MYO15A: variants seen among roughly 807,000 people sequenced by gnomAD.
MYO15A encodes unconventional myosin-XV.
Under a neutral mutation model 394.6 loss-of-function variants are expected in MYO15A, and 308 were observed. The ratio of observed to expected loss-of-function variants is 0.78; its 90% CI spans 0.71 to 0.86. MYO15A has a LOEUF of 0.86. Among genes scored for constraint, MYO15A ranks in the 40% least tolerant of loss-of-function variants. MYO15A has a pLI of 0.00. For synonymous variants in MYO15A, 1,957 were observed against 2,003.8 expected, an observed-to-expected ratio of 0.98 and a Z score of 0.62; for missense variants, 4,606 against 4,799.1, an observed-to-expected ratio of 0.96 and a Z score of 1.19.
intron 1 of MYO15A, 26 bp from the exon 2 acceptor site, chr17:18,118,556 C>T (rs2142234315): frequency 8.7e-6 from 5 of 576,650 alleles, no homozygotes; most frequent in South Asian, 8.2e-5. Context: ...TAAACAACAC[C>T]CACACACTTT....
chr17:18,147,968 C>A lies in MYO15A; in HGVS notation c.6510-61C>A. ...AGAATTTCCTACCCCCACCCCGCAG[C>A]CCTCAGCCCCAAGCTAGCTTCAGAT... On this transcript the variant is annotated intron_variant, in intron 30 of 65. Coordinates refer to ENST00000647165, the MANE Select transcript of MYO15A (RefSeq NM_016239.4). The surrounding 1 kb of genome is among the most constrained non-coding windows in gnomAD (Gnocchi z 4.4). 1 of 1,603,256 alleles carries A rather than the reference C, an allele frequency of 6.2e-7. No homozygotes were observed. Among genetic ancestry groups the A allele is most frequent in the Admixed American group, 1.7e-5 (1 of 60,004 alleles).
chr17:18,129,893 T>G (rs1406445494), intron 7 of MYO15A, among the ~76,000 whole-genome samples: 1 of 151,170 alleles, frequency 6.6e-6, no homozygotes, highest in Non-Finnish European at 1.5e-5. Flanking sequence ...TTTGTTTTTG[T>G]TTTTTTTTAG....
chr17:18,120,977 C>A lies in MYO15A; in HGVS notation c.2177C>A (p.Ala726Asp). 1 of 1,498,118 alleles carries A rather than the reference C, an allele frequency of 6.7e-7. No individual in the cohort carries two copies. Among genetic ancestry groups the A allele is most frequent in the Non-Finnish European group, 8.9e-7 (1 of 1,129,128 alleles). The allele number at this position is 1,498,118 out of a possible 1,614,324, so 92.8% of individuals were successfully genotyped here. Residue 726 changes from alanine to aspartate, a missense_variant, in exon 2 of 66, where the codon GCC becomes GAC. Physicochemically the swap from Ala to Asp is moderately radical, Grantham distance 126. This residue lies in a region of MYO15A where 1,830 missense variants were observed against 1,689.7 expected (regional missense o/e 1.08). Coordinates refer to ENST00000647165, the MANE Select transcript of MYO15A (RefSeq NM_016239.4). ...TGGTGGGCCTTCGTGGAGCCCCCTG[C>A]CGTGAGCCCGGAGGTGCCCCCCGAC... Reference protein sequence around the residue: ...ASWWAFVEPPAVSPEVPPDLL... With the variant: ...ASWWAFVEPPDVSPEVPPDLL...
chr17:18,139,494 C>T, intron 18 of MYO15A, 40 bp from the exon 19 acceptor site: 1 of 1,601,018 alleles, frequency 6.2e-7, no homozygotes, highest in African/African-American at 1.3e-5. Flanking sequence ...GACAGAGAGA[C>T]AGAGGCCAGG....
intron 65 of MYO15A, among the ~76,000 whole-genome samples, chr17:18,175,061 CTG>C (rs1004410267): frequency 6.7e-5 from 10 of 150,146 alleles, no homozygotes; most frequent in Non-Finnish European, 1.3e-4. Context: ...TGCAATGGCT[CTG>C]TGGTGTTCTC....
In MYO15A at chr17:18,120,131, A is replaced by G. The variant is rs2045884110; in HGVS notation, c.1331A>G (p.Glu444Gly). The G allele has an allele frequency of 1.2e-6, 2 of 1,612,846 alleles. No individual in the cohort carries two copies. The highest frequency in any genetic ancestry group is 1.7e-6 in the Non-Finnish European group (2 of 1,179,926). ...ELEEPEDAGV[E>G]RQGTSFRLPS... The stretch of plus-strand genomic sequence containing the variant: ...GAGGAACCAGAGGACGCGGGCGTAG[A>G]GCGTCAGGGGACCTCCTTCCGCCTG... Residue 444 changes from glutamate to glycine, a missense_variant, in exon 2 of 66, where the codon GAG becomes GGG. By Grantham distance (98) the Glu-to-Gly change is moderately conservative. Coordinates refer to ENST00000647165, the MANE Select transcript of MYO15A (RefSeq NM_016239.4).
chr17:18,148,971 C>A lies in MYO15A; in HGVS notation c.6956+19C>A. On this transcript the variant is annotated intron_variant, in intron 33 of 65. Transcript: ENST00000647165. The surrounding 1 kb of genome is among the most constrained non-coding windows in gnomAD (Gnocchi z 4.8). Reference sequence around the variant, plus strand: ...CCAAAGTGTAGGTAGCTATGGGGGACCCCCTCACAGATGGCCACTCCCAGG... The same window carrying A: ...CCAAAGTGTAGGTAGCTATGGGGGAACCCCTCACAGATGGCCACTCCCAGG... 2 of 1,570,070 alleles carry A rather than the reference C, an allele frequency of 1.3e-6. No individual in the cohort carries two copies. The highest frequency in any genetic ancestry group is 1.7e-6 in the Non-Finnish European group (2 of 1,157,970).
chr17:18,119,744 C>T lies in MYO15A; in HGVS notation c.944C>T (p.Pro315Leu). Residue 315 changes from proline (P) to leucine (L), a missense_variant, in exon 2 of 66, where the codon CCA (proline) becomes CTA (leucine). Physicochemically the swap from Pro to Leu is moderately conservative, Grantham distance 98 (BLOSUM62 -3). This residue lies in a region of MYO15A where 1,830 missense variants were observed against 1,689.7 expected (regional missense o/e 1.08). Coordinates refer to ENST00000647165, the MANE Select transcript of MYO15A (RefSeq NM_016239.4). ...TACGGCTACGACGATTACGAACCCC[C>T]ATATGCGCCCCCGTCGGGGTACTCG... ...YGYGYDDYEPPYAPPSGYSSP... is the reference protein window; with the variant it reads ...YGYGYDDYEPLYAPPSGYSSP... 1 of 1,612,840 alleles carries T rather than the reference C, an allele frequency of 6.2e-7. No homozygotes were observed.
intron 16 of MYO15A, 32 bp downstream of exon 16, chr17:18,137,711 G>GGCTCACGCCTGTAA: frequency 6.2e-7 from 1 of 1,604,796 alleles, no homozygotes; most frequent in Non-Finnish European, 8.5e-7. Flanking sequence ...TCCTGTCCCT[G>GGCTCACGCCTGTAA]TCTTGACTGG....
At position 18,121,823 on chromosome 17, in the gene MYO15A, C is replaced by T. The variant is rs143316414; in HGVS notation, c.3023C>T (p.Thr1008Ile). The part of the protein sequence containing the change: ...PGQLTKSAGP[T>I]PEKPEEEATL... ...CAGCTCACCAAATCAGCTGGCCCAA[C>T]CCCTGAGAAGCCTGAAGAAGAGGCC... The change falls in exon 2 of 66, where the codon ACC becomes ATC. Residue 1008 changes from threonine to isoleucine, a missense_variant. By Grantham distance (89) the Thr-to-Ile change is moderately conservative. Coordinates refer to ENST00000647165, the MANE Select transcript of MYO15A (RefSeq NM_016239.4). This position sits in a 1 kb window ranked among gnomAD's most constrained non-coding sequence, Gnocchi z 5.3. 6.2e-7 allele frequency: 1 copy of T among 1,612,874 alleles called. No individual in the cohort carries two copies. The highest frequency in any genetic ancestry group is 8.5e-7 in the Non-Finnish European group (1 of 1,179,944).
intron 12 of MYO15A, among the ~76,000 whole-genome samples, chr17:18,134,699 A>G: frequency 6.6e-6 from 1 of 152,236 alleles, no homozygotes; most frequent in East Asian, 1.9e-4. Context: ...CCTAGGCAAC[A>G]TAGCAAGACC....
At chr17:18,131,423 AG>A (rs1440984277) in intron 9 of MYO15A, 44 bp from the exon 10 acceptor site, 1 of 1,613,278 alleles carries the variant, frequency 6.2e-7, no homozygotes, top group African/African-American at 1.3e-5. Context: ...AGCCAACACC[AG>A]CCCTCCTACC....
chr17:18,126,477 G>T (rs1361948144), intron 5 of MYO15A, 21 bp downstream of exon 5: 1 of 1,606,140 alleles, frequency 6.2e-7, no homozygotes. Flanking sequence ...CGGGGGCGCT[G>T]CCCTGGGGTC....
rs750717187 is a variant in MYO15A, at chr17:18,151,185, A to G, written c.7549A>G (p.Thr2517Ala). The change falls in exon 39 of 66, where the codon ACT (threonine) becomes GCT (alanine). Residue 2517 changes from threonine (T) to alanine (A), a missense_variant. Physicochemically the swap from Thr to Ala is moderately conservative, Grantham distance 58. Around this residue, in one of 2 missense-constraint regions of MYO15A, gnomAD observed 2,776 missense variants for 3,109.3 expected, o/e 0.89. Coordinates refer to ENST00000647165, the MANE Select transcript of MYO15A (RefSeq NM_016239.4). ...PPAKPVLLRA[T>A]PKPLAPAPLA... Reference sequence around the variant, plus strand: ...TGCCAAACCCGTGCTCCTGCGTGCCACTCCAAAGCCCTTGGCCCCAGCCCC... The same window carrying G: ...TGCCAAACCCGTGCTCCTGCGTGCCGCTCCAAAGCCCTTGGCCCCAGCCCC... 13 of 1,613,652 alleles carry G rather than the reference A, an allele frequency of 8.1e-6. No individual in the cohort carries two copies. Among genetic ancestry groups the G allele is most frequent in the African/African-American group, 1.3e-5 (1 of 74,790 alleles).
chr17:18,140,206 A>G (rs796905857), intron 19 of MYO15A, among the ~76,000 whole-genome samples: 2 of 152,278 alleles, frequency 1.3e-5, no homozygotes, highest in African/African-American at 4.8e-5. Context: ...CCTCCTCATG[A>G]GGTCATAGCC....
intron 1 of MYO15A, among the ~76,000 whole-genome samples, chr17:18,115,215 G>C (rs1021410093): frequency 6.6e-6 from 1 of 152,128 alleles, no homozygotes; most frequent in Admixed American, 6.5e-5. Flanking sequence ...CACTTTAACC[G>C]CTGGCAGCCT....
chr17:18,126,480 C>A (rs764089316), intron 5 of MYO15A, 24 bp downstream of exon 5: 1 of 1,604,952 alleles, frequency 6.2e-7, no homozygotes, highest in Non-Finnish European at 8.5e-7. Context: ...GGGCGCTGCC[C>A]TGGGGTCTCT....
rs138164821 is a variant in MYO15A, at chr17:18,146,998, C to T, written c.6509+891C>T. ...TGTGTGGATAAAATATATAAACACA[C>T]GTAAAGTGCTTAGAACAGAGAGGGG... On this transcript the variant is annotated intron_variant, in intron 30 of 65. Transcript: ENST00000647165. Among the ~76,000 whole-genome samples, 1,028 of 152,166 alleles carry T rather than the reference C, an allele frequency of 6.8e-3. 12 individuals carry two copies. The highest frequency in any genetic ancestry group is 0.024 in the African/African-American group (985 of 41,502).
At position 18,132,076 on chromosome 17, in the gene MYO15A, C is replaced by T. The variant is rs2142302614; in HGVS notation, c.4207-377C>T. Among the ~76,000 whole-genome samples the T allele has an allele frequency of 6.6e-6, 1 of 152,280 alleles. No individual in the cohort carries two copies. The highest frequency in any genetic ancestry group is 2.4e-5 in the African/African-American group (1 of 41,548). On this transcript the variant is annotated intron_variant, in intron 10 of 65. Coordinates refer to ENST00000647165, the MANE Select transcript of MYO15A (RefSeq NM_016239.4). This position sits in a 1 kb window ranked among gnomAD's most constrained non-coding sequence, Gnocchi z 4.6. ...CCCACTATGTCCCAAGGGCCTAGGA[C>T]AGGGCTTGGTGCACAGGAAGTGCTC... is the stretch of plus-strand genomic sequence containing the variant.
Sources: allele counts gnomAD v4.1 joint callset (sites outside exome capture counted in the v4.1 genomes callset), GRCh38; gene constraint gnomAD v4.1.1; regional missense constraint gnomAD v4.1.1; non-coding constraint Gnocchi (gnomAD v3.1); transcripts MANE v1.5; gene names NCBI Gene and HGNC (gene_info 2026-07-23, HGNC 2026-07-21).